The following TNIK variants were observed in gnomAD, a reference collection of about 807,000 sequenced individuals.
The protein encoded by TNIK is TRAF2 and NCK-interacting protein kinase.
Under a neutral mutation model 191.3 loss-of-function variants are expected in TNIK, and 49 were observed. The observed-to-expected ratio is 0.26, with a 90% CI of 0.20 to 0.32. The LOEUF is 0.32. Ranked by LOEUF, TNIK falls within the 10% of genes least tolerant of loss-of-function variation. TNIK has a pLI of 1.00. For synonymous variants in TNIK, 594 were observed against 600.9 expected (o/e 0.99, Z 0.17); for missense variants, 1,155 against 1,702.3 (o/e 0.68, Z 5.66).
intron 23 of TNIK, among the ~76,000 whole-genome samples, chr3:171,088,228 A>C (rs1721608940): frequency 6.8e-6 from 1 of 147,508 alleles, no homozygotes; most frequent in Non-Finnish European, 1.5e-5. Context: ...ATGTCCTTTA[A>C]AGGTTTTTCT....
At chr3:171,168,457 G>A (rs2108758793) in intron 9 of TNIK, among the ~76,000 whole-genome samples, 1 of 152,268 alleles carries the variant, frequency 6.6e-6, no homozygotes, top group Middle Eastern at 3.4e-3. Flanking sequence ...AGAACACAAT[G>A]GAGAGCATGT....
At chr3:171,421,633 A>G (rs763664144) in intron 1 of TNIK, among the ~76,000 whole-genome samples, 19 of 152,026 alleles carry the variant, frequency 1.2e-4, no homozygotes, top group Non-Finnish European at 2.6e-4. Context: ...TAACATATGA[A>G]GATGCTAACC....
intron 1 of TNIK, among the ~76,000 whole-genome samples, chr3:171,431,204 A>G (rs999538457): frequency 3.3e-5 from 5 of 152,148 alleles, no homozygotes; most frequent in African/African-American, 7.2e-5. Context: ...AATGATTAAC[A>G]TAAAAAGGTC....
intron 2 of TNIK, among the ~76,000 whole-genome samples, chr3:171,318,677 ATTT>A (rs918068824): frequency 2.0e-5 from 3 of 152,080 alleles, no homozygotes; most frequent in East Asian, 1.9e-4. Context: ...AGATATCAAA[ATTT>A]TTTTAATTGA....
intron 4 of TNIK, among the ~76,000 whole-genome samples, chr3:171,210,203 A>C (rs963605343): frequency 6.6e-6 from 1 of 152,218 alleles, no homozygotes; most frequent in African/African-American, 2.4e-5. Context: ...AGAGGGAAGA[A>C]GAAAGAGTGA....
chr3:171,452,774 A>T lies in TNIK; in HGVS notation c.57+7233T>A, dbSNP rs1421322387. On this transcript the variant is annotated intron_variant, in intron 1 of 32. Coordinates refer to ENST00000436636, the MANE Select transcript of TNIK (RefSeq NM_015028.4). The stretch of plus-strand genomic sequence containing the variant: ...CACACACACACACACACACACACAT[A>T]CGCCTTGCAATTCTAACCCATGGTA... 8.3e-5 allele frequency among the ~76,000 whole-genome samples: 12 copies of T among 144,470 alleles called. No homozygotes were observed. In the South Asian group the frequency reaches 9.1e-4, roughly 11 times the overall value. 94.8% of individuals were successfully genotyped at this position (144,470 alleles called of 152,430 possible). A position where few individuals can be genotyped will look rare whatever the true frequency, so the allele number is the denominator to read the frequency against.
At chr3:171,324,835 A>G (rs971010722) in intron 2 of TNIK, among the ~76,000 whole-genome samples, 1 of 152,128 alleles carries the variant, frequency 6.6e-6, no homozygotes, top group Non-Finnish European at 1.5e-5. Flanking sequence ...GCGGTGGCTC[A>G]CGCCTGTAAT....
At chr3:171,404,853 T>A (rs1721452042) in intron 1 of TNIK, among the ~76,000 whole-genome samples, 1 of 152,212 alleles carries the variant, frequency 6.6e-6, no homozygotes, top group Admixed American at 6.5e-5. Flanking sequence ...TCAGCTGTGA[T>A]GTTTACTCTA....
chr3:171,384,726 T>A (rs1052924837), intron 1 of TNIK, among the ~76,000 whole-genome samples: 2 of 152,196 alleles, frequency 1.3e-5, no homozygotes, highest in Non-Finnish European at 2.9e-5. Context: ...AAGTGACATG[T>A]CAGATTAGTA....
chr3:171,357,688 G>A (rs918595197), intron 2 of TNIK, among the ~76,000 whole-genome samples: 11 of 151,980 alleles, frequency 7.2e-5, no homozygotes, highest in Non-Finnish European at 1.0e-4. Context: ...GTCAGAGTAC[G>A]GAGAGAAGAG....
chr3:171,411,895 G>C (rs944934165), intron 1 of TNIK, among the ~76,000 whole-genome samples: 1 of 152,172 alleles, frequency 6.6e-6, no homozygotes, highest in Admixed American at 6.5e-5. Context: ...AGGATGGGGC[G>C]AGAAGTTTTC....
chr3:171,087,524 G>T lies in TNIK; in HGVS notation c.2722-18C>A. ...CCAGACGTCTGAGGGAGCACAGCACGTGGGAGGAGTTAGAGAGGGGGGAAA... is the reference window on the plus strand; with the variant it reads ...CCAGACGTCTGAGGGAGCACAGCACTTGGGAGGAGTTAGAGAGGGGGGAAA... On this transcript the variant is annotated intron_variant, in intron 23 of 32. Coordinates refer to ENST00000436636, the MANE Select transcript of TNIK (RefSeq NM_015028.4). 1 of 1,611,544 alleles carries T rather than the reference G, an allele frequency of 6.2e-7. No homozygotes were observed. The highest frequency in any genetic ancestry group is 8.5e-7 in the Non-Finnish European group (1 of 1,178,374).
At chr3:171,332,936 G>A (rs1213054183) in intron 2 of TNIK, among the ~76,000 whole-genome samples, 6 of 152,156 alleles carry the variant, frequency 3.9e-5, no homozygotes, top group East Asian at 1.9e-4. Context: ...CAGAACGACA[G>A]AAAAGCAATA....
At position 171,178,087 on chromosome 3, in the gene TNIK, T is replaced by C. The variant is rs574528945; in HGVS notation, c.640-707A>G. ...GTATTCCATTCTATGGACATATCAC[T>C]GTTTTTGCATTTGGACTGTTTCTAG... On this transcript the variant is annotated intron_variant, in intron 7 of 32. Transcript: ENST00000436636. Among the ~76,000 whole-genome samples, 3 of 152,398 alleles carry C rather than the reference T, an allele frequency of 2.0e-5. No individual in the cohort carries two copies. The South Asian group carries it at 6.2e-4, about 32-fold the overall frequency.
intron 1 of TNIK, among the ~76,000 whole-genome samples, chr3:171,396,125 C>G (rs113595134): frequency 5.9e-4 from 90 of 152,190 alleles, no homozygotes; most frequent in African/African-American, 2.0e-3. Context: ...CCCACTGCCC[C>G]CCCAACCCTA....
intron 28 of TNIK, 44 bp downstream of exon 28, chr3:171,079,474 T>C: frequency 6.3e-7 from 1 of 1,590,674 alleles, no homozygotes; most frequent in Non-Finnish European, 8.6e-7. Context: ...TAAGTCTGAT[T>C]GAGTAAACAG....
intron 1 of TNIK, among the ~76,000 whole-genome samples, chr3:171,448,384 G>A (rs558530496): frequency 4.9e-4 from 74 of 152,166 alleles, no homozygotes; most frequent in African/African-American, 1.7e-3. Context: ...GTGTCTTCTC[G>A]TGTTTGGCTT....
chr3:171,418,782 A>G (rs1458159224), intron 1 of TNIK, among the ~76,000 whole-genome samples: 1 of 152,220 alleles, frequency 6.6e-6, no homozygotes, highest in Non-Finnish European at 1.5e-5. Flanking sequence ...TCAGCCATAA[A>G]AAATAATAAA....
At chr3:171,242,159 T>A (rs201725473) in intron 2 of TNIK, among the ~76,000 whole-genome samples, 8 of 142,460 alleles carry the variant, frequency 5.6e-5, no homozygotes, top group African/African-American at 7.9e-5. Flanking sequence ...GAACTTAAAT[T>A]AAAAAAAAAA....
Sources: gnomAD v4.1 joint callset for allele counts (sites outside exome capture counted in the v4.1 genomes callset) on GRCh38, gnomAD v4.1.1 for gene constraint, MANE v1.5 for transcripts, NCBI Gene and HGNC (gene_info 2026-07-23, HGNC 2026-07-21) for gene names.